CA10: variants seen among roughly 807,000 people sequenced by gnomAD.
The protein encoded by CA10 is carbonic anhydrase 10 (inactive).
Under a neutral mutation model 44.2 loss-of-function variants are expected in CA10, and 14 were observed. The observed-to-expected ratio is 0.32, with a 90% CI of 0.21 to 0.50. CA10 has a LOEUF of 0.50. Among genes scored for constraint, CA10 ranks in the 20% least tolerant of loss-of-function variants. The pLI is 0.99. For missense variants in CA10, 350 were observed against 409.7 expected (o/e 0.85, Z 1.26); for synonymous variants, 159 against 141.6 (o/e 1.12, Z -0.87).
At position 51,904,369 on chromosome 17, in the gene CA10, C is replaced by T. The variant is rs371662772; in HGVS notation, c.279+26621G>A. ...GCTCATCTATCCAAACCCCTCACCC[C>T]TCTCCCACCATTTTTCTTTTCCTCA... On this transcript the variant is annotated intron_variant, in intron 3 of 8. Coordinates refer to ENST00000451037, the MANE Select transcript of CA10 (RefSeq NM_020178.5). Among the ~76,000 whole-genome samples the T allele has an allele frequency of 3.4e-4, 52 of 152,152 alleles. 2 individuals are homozygous for T. In the South Asian group the frequency reaches 1.0e-2, roughly 29 times the overall value.
intron 4 of CA10, among the ~76,000 whole-genome samples, chr17:51,684,726 T>A (rs1914953510): frequency 6.6e-6 from 1 of 152,220 alleles, no homozygotes; most frequent in African/African-American, 2.4e-5. Flanking sequence ...CCTCTGTACA[T>A]CCGGATCCAC....
Position 52,157,803 on chromosome 17 carries a change from C to T in CA10, c.-17G>A. The T allele has an allele frequency of 6.2e-7, 1 of 1,610,542 alleles. No individual in the cohort carries two copies. On this transcript the variant is annotated 5_prime_UTR_variant, in exon 1 of 9. Transcript: ENST00000451037. ...TATTTCCATCCTCTGATTCTCATTC[C>T]AAGTGCATCACTCGACGGGAAAACG...
At chr17:52,089,210 A>G (rs1461752764) in intron 1 of CA10, among the ~76,000 whole-genome samples, 1 of 152,160 alleles carries the variant, frequency 6.6e-6, no homozygotes, top group Non-Finnish European at 1.5e-5. Flanking sequence ...AAATACACCA[A>G]TATTGACCTT....
chr17:51,699,531 T>C (rs920171867), intron 4 of CA10, among the ~76,000 whole-genome samples: 8 of 152,128 alleles, frequency 5.3e-5, no homozygotes, highest in African/African-American at 1.4e-4. Context: ...TGGTCCCTCA[T>C]GTTCAGTTTT....
chr17:51,818,213 C>T (rs996777167), intron 3 of CA10, among the ~76,000 whole-genome samples: 2 of 152,172 alleles, frequency 1.3e-5, no homozygotes, highest in African/African-American at 2.4e-5. Flanking sequence ...CCTTATCTTA[C>T]CTCACTTTGT....
chr17:51,914,380 T>G (rs911984361), intron 3 of CA10, among the ~76,000 whole-genome samples: 1 of 152,188 alleles, frequency 6.6e-6, no homozygotes, highest in Non-Finnish European at 1.5e-5. Flanking sequence ...TGATGACAAC[T>G]ATCTTGGGCA....
In CA10 at chr17:51,982,003, G is replaced by A. The variant is rs566204733; in HGVS notation, c.137-50871C>T. On this transcript the variant is annotated intron_variant, in intron 2 of 8. Coordinates refer to ENST00000451037, the MANE Select transcript of CA10 (RefSeq NM_020178.5). The stretch of plus-strand genomic sequence containing the variant: ...GTATTAAGAAGTTAAGGCACACTTG[G>A]AAAATTGCCATTCAGACTTATAGAT... Among the ~76,000 whole-genome samples, 5 of 152,146 alleles carry A rather than the reference G, an allele frequency of 3.3e-5. No homozygotes were observed. The South Asian group carries it at 1.0e-3, about 31-fold the overall frequency.
chr17:51,797,899 A>G (rs1906778721), intron 3 of CA10, among the ~76,000 whole-genome samples: 1 of 150,984 alleles, frequency 6.6e-6, no homozygotes, highest in Non-Finnish European at 1.5e-5. Context: ...ATTTGACAAG[A>G]GTAGCTAATC....
chr17:52,003,442 G>A (rs1985496925), intron 2 of CA10, among the ~76,000 whole-genome samples: 1 of 151,850 alleles, frequency 6.6e-6, no homozygotes, highest in Non-Finnish European at 1.5e-5. Flanking sequence ...TATATTCTTT[G>A]AAGGCAGGGG....
intron 3 of CA10, among the ~76,000 whole-genome samples, chr17:51,750,788 T>C (rs1904865041): frequency 1.3e-5 from 2 of 152,236 alleles, no homozygotes; most frequent in Non-Finnish European, 2.9e-5. Flanking sequence ...CAAGTTCCTA[T>C]GACATGCATG....
chr17:51,990,014 G>A (rs1440956007), intron 2 of CA10, among the ~76,000 whole-genome samples: 2 of 152,178 alleles, frequency 1.3e-5, no homozygotes, highest in East Asian at 1.9e-4. Flanking sequence ...AGTGGAGTTG[G>A]GATTTGAAAC....
rs117498140 is a variant in CA10 at position 51,870,695 on chromosome 17, C to T, written c.279+60295G>A. ...GTGTTTGCTTCGTGGAAGCAATCGC[C>T]ATCAAGGAAGCATTGGCACAGGGAC... is the stretch of plus-strand genomic sequence containing the variant. On this transcript the variant is annotated intron_variant, in intron 3 of 8. Transcript: ENST00000451037. Among the ~76,000 whole-genome samples, 818 of 152,314 alleles carry T rather than the reference C, an allele frequency of 5.4e-3. 7 individuals are homozygous for T. The highest frequency in any genetic ancestry group is 9.4e-3 in the Non-Finnish European group (637 of 68,032).
At chr17:51,936,469 C>A (rs983811748) in intron 2 of CA10, among the ~76,000 whole-genome samples, 4 of 129,896 alleles carry the variant, frequency 3.1e-5, no homozygotes, top group African/African-American at 1.0e-4. Flanking sequence ...AAAGTTGCTT[C>A]TAAACAGTGG....
intron 1 of CA10, among the ~76,000 whole-genome samples, chr17:52,103,820 A>G (rs1988595705): frequency 6.6e-6 from 1 of 152,208 alleles, no homozygotes; most frequent in African/African-American, 2.4e-5. Flanking sequence ...CAGTCCCCCC[A>G]GCACTTGGGT....
At chr17:52,053,747 G>A (rs896328693) in intron 2 of CA10, among the ~76,000 whole-genome samples, 3 of 152,058 alleles carry the variant, frequency 2.0e-5, no homozygotes, top group African/African-American at 7.2e-5. Context: ...CATGGCAGAA[G>A]AACATAAATT....
intron 4 of CA10, among the ~76,000 whole-genome samples, chr17:51,660,898 C>A (rs1913981132): frequency 6.6e-6 from 1 of 152,030 alleles, no homozygotes; most frequent in Non-Finnish European, 1.5e-5. Flanking sequence ...TCCTAGAACA[C>A]ATGCTTATTC....
rs147748098 is a variant in CA10, at chr17:51,810,516, G to A, written c.280-62698C>T. ...GGGAAGAGAGGAAGGGCATTCCAAG[G>A]CACAGGCAGACAATGGTGGTGAAAC... is the stretch of plus-strand genomic sequence containing the variant. On this transcript the variant is annotated intron_variant, in intron 3 of 8. Coordinates refer to ENST00000451037, the MANE Select transcript of CA10 (RefSeq NM_020178.5). Among the ~76,000 whole-genome samples, 193 of 152,198 alleles carry A rather than the reference G, an allele frequency of 1.3e-3. 1 individual carries two copies. Among genetic ancestry groups the A allele is most frequent in the African/African-American group, 4.6e-3 (193 of 41,538 alleles).
chr17:52,020,889 T>C (rs749040489), intron 2 of CA10, among the ~76,000 whole-genome samples: 4 of 152,042 alleles, frequency 2.6e-5, no homozygotes, highest in Non-Finnish European at 4.4e-5. Context: ...ACCATGTATG[T>C]GTACATGTAG....
chr17:52,003,550 C>A (rs977739428), intron 2 of CA10, among the ~76,000 whole-genome samples: 3 of 151,776 alleles, frequency 2.0e-5, no homozygotes, highest in African/African-American at 4.8e-5. Context: ...CTTTGTTTAC[C>A]TTTTTAATAA....
Sources: allele counts gnomAD v4.1 joint callset (sites outside exome capture counted in the v4.1 genomes callset), GRCh38; gene constraint gnomAD v4.1.1; transcripts MANE v1.5; gene names NCBI Gene and HGNC (gene_info 2026-07-23, HGNC 2026-07-21).